Variants in HIP1 observed in about 807,000 individuals in gnomAD.
HIP1 encodes huntingtin-interacting protein 1.
A neutral mutation model predicts 147.6 loss-of-function variants in HIP1; 65 were observed. The observed-to-expected ratio is 0.44, with a 90% CI of 0.36 to 0.54. The LOEUF (loss-of-function observed/expected upper bound fraction) is 0.54, where lower values mean the gene tolerates loss of function less well. HIP1 is among the 20% of genes least tolerant of loss of function. The probability of loss-of-function intolerance (pLI) is 0.00; values close to 1 mark genes in which losing one functional copy is unlikely to be tolerated. For missense variants in HIP1, 1,061 were observed against 1,299.6 expected, an observed-to-expected ratio of 0.82 and a Z score of 2.82; for synonymous variants, 479 against 504.0, an observed-to-expected ratio of 0.95 and a Z score of 0.67.
intron 7 of HIP1, among the ~76,000 whole-genome samples, chr7:75,574,149 C>T (rs933875534): frequency 7.2e-5 from 11 of 152,086 alleles, no homozygotes; most frequent in African/African-American, 2.2e-4. Flanking sequence ...TTTTGTTAGC[C>T]GAGCATGGTG....
At chr7:75,646,809 G>A (rs900805822) in intron 1 of HIP1, among the ~76,000 whole-genome samples, 19 of 152,306 alleles carry the variant, frequency 1.2e-4, no homozygotes, top group Admixed American at 1.2e-3. Flanking sequence ...GGAACCCTGA[G>A]AGCTGTAGCA....
rs373608095 is a variant in HIP1 at position 75,539,391 on chromosome 7, C to T, written c.2993G>A (p.Arg998His). ...LELENELQKE[R>H]QKLGELRKKH... is the part of the protein sequence containing the mutation. ...TTTCCGAAGCTCTCCCAGTTTTTGACGCTCCTTCTGCAATTCATTTTCTAG... is the reference window on the plus strand; with the variant it reads ...TTTCCGAAGCTCTCCCAGTTTTTGATGCTCCTTCTGCAATTCATTTTCTAG... Residue 998 changes from arginine to histidine, a missense_variant, in exon 30 of 31, where the codon CGT becomes CAT. Physicochemically the swap from Arg to His is conservative, Grantham distance 29 (BLOSUM62 0). This residue lies in a region of HIP1 where 810 missense variants were observed against 946.8 expected (regional missense o/e 0.86). Coordinates refer to ENST00000336926, the MANE Select transcript of HIP1 (RefSeq NM_005338.7). The T allele has an allele frequency of 2.2e-5, 35 of 1,614,030 alleles. No individual in the cohort carries two copies. In the South Asian group the frequency reaches 2.2e-4, roughly 10 times the overall value.
intron 2 of HIP1, among the ~76,000 whole-genome samples, chr7:75,594,568 G>C (rs1452681148): frequency 6.6e-6 from 1 of 152,068 alleles, no homozygotes; most frequent in Non-Finnish European, 1.5e-5. Context: ...GAGGTCAGGA[G>C]ATCAAGACCA....
chr7:75,691,357 G>A (rs1800447104), intron 1 of HIP1, among the ~76,000 whole-genome samples: 1 of 151,768 alleles, frequency 6.6e-6, no homozygotes, highest in Admixed American at 6.6e-5. Context: ...CGGGCATGGT[G>A]GCACGTGCCT....
intron 7 of HIP1, among the ~76,000 whole-genome samples, chr7:75,577,997 C>G (rs1369417420): frequency 6.6e-6 from 1 of 152,076 alleles, no homozygotes; most frequent in Non-Finnish European, 1.5e-5. Context: ...GAGACTCTCT[C>G]AAAACAAAAC....
At chr7:75,679,598 A>T (rs1319293805) in intron 1 of HIP1, among the ~76,000 whole-genome samples, 1 of 151,876 alleles carries the variant, frequency 6.6e-6, no homozygotes, top group Non-Finnish European at 1.5e-5. Context: ...AGGACTTGCC[A>T]CTCCGTTGTT....
At chr7:75,714,067 T>C (rs185348357) in intron 1 of HIP1, among the ~76,000 whole-genome samples, 1 of 151,234 alleles carries the variant, frequency 6.6e-6, no homozygotes, top group Non-Finnish European at 1.5e-5. Flanking sequence ...TGAGATGGAG[T>C]CTCACTCTTT....
At chr7:75,598,344 C>T (rs1242926006) in intron 2 of HIP1, among the ~76,000 whole-genome samples, 5 of 151,298 alleles carry the variant, frequency 3.3e-5, no homozygotes, top group Non-Finnish European at 5.9e-5. Flanking sequence ...TTACAGTGAG[C>T]CGAGAACATG....
intron 22 of HIP1, among the ~76,000 whole-genome samples, chr7:75,550,101 G>A (rs1399096716): frequency 6.6e-6 from 1 of 152,118 alleles, no homozygotes; most frequent in Non-Finnish European, 1.5e-5. Flanking sequence ...AGAACGTCTT[G>A]ACCACAGTTA....
intron 26 of HIP1, 43 bp downstream of exon 26, chr7:75,545,045 A>G (rs1554490716): frequency 8.6e-7 from 1 of 1,163,162 alleles, no homozygotes; most frequent in Non-Finnish European, 1.3e-6. Flanking sequence ...GGATCAATGG[A>G]AGAGGGGTCA....
At chr7:75,661,782 TG>T (rs1799326454) in intron 1 of HIP1, among the ~76,000 whole-genome samples, 1 of 151,588 alleles carries the variant, frequency 6.6e-6, no homozygotes, top group Non-Finnish European at 1.5e-5. Context: ...TAAGTCCAAA[TG>T]TGTGCCTTGG....
chr7:75,619,170 T>C (rs1797761256), intron 1 of HIP1, among the ~76,000 whole-genome samples: 2 of 152,130 alleles, frequency 1.3e-5, no homozygotes, highest in South Asian at 2.1e-4. Context: ...GCACTGTTAA[T>C]TCAGGTGATG....
chr7:75,646,226 C>T (rs193151529), intron 1 of HIP1, among the ~76,000 whole-genome samples: 21 of 152,210 alleles, frequency 1.4e-4, no homozygotes, highest in African/African-American at 5.1e-4. Flanking sequence ...ATTACAGGCA[C>T]CCGCCACCAC....
chr7:75,599,339 C>G, intron 1 of HIP1, 92 bp from the exon 2 acceptor site: 1 of 985,380 alleles, frequency 1.0e-6, no homozygotes, highest in Non-Finnish European at 1.6e-6. Context: ...CCCCTTTCTC[C>G]TCCTCCAGCC....
intron 1 of HIP1, chr7:75,639,141 C>T: frequency 1.0e-6 from 1 of 984,624 alleles, no homozygotes; most frequent in Non-Finnish European, 1.2e-6. Flanking sequence ...GCTAATCGCG[C>T]CCCGAGGGTG....
chr7:75,645,956 G>A (rs991152580), intron 1 of HIP1, among the ~76,000 whole-genome samples: 2 of 152,188 alleles, frequency 1.3e-5, no homozygotes, highest in African/African-American at 4.8e-5. Context: ...GAGGGGACAA[G>A]TGTTGAAAAA....
intron 28 of HIP1, among the ~76,000 whole-genome samples, chr7:75,542,449 C>G (rs1554490095): frequency 1.3e-5 from 2 of 151,478 alleles, no homozygotes; most frequent in Non-Finnish European, 2.9e-5. Flanking sequence ...ATAATCCCAG[C>G]AAACTTTGGG....
At chr7:75,612,727 T>A (rs187688151) in intron 1 of HIP1, among the ~76,000 whole-genome samples, 260 of 152,020 alleles carry the variant, frequency 1.7e-3, no homozygotes, top group African/African-American at 5.5e-3. Context: ...GAGAATCGCT[T>A]GAACCCAGGA....
At chr7:75,633,375 C>A (rs1798306490) in intron 1 of HIP1, among the ~76,000 whole-genome samples, 2 of 152,102 alleles carry the variant, frequency 1.3e-5, no homozygotes, top group African/African-American at 2.4e-5. Flanking sequence ...TTACTGCAAC[C>A]TCTGCTTCCC....
Sources: allele counts gnomAD v4.1 joint callset (sites outside exome capture counted in the v4.1 genomes callset), GRCh38; gene constraint gnomAD v4.1.1; regional missense constraint gnomAD v4.1.1; transcripts MANE v1.5; gene names NCBI Gene and HGNC (gene_info 2026-07-23, HGNC 2026-07-21).